The following SCAF8 variants were observed in gnomAD, a reference collection of about 807,000 sequenced individuals.
The protein encoded by SCAF8 is SR-related CTD associated factor 8, also known as SR-related and CTD-associated factor 8.
A neutral mutation model predicts 140.5 loss-of-function variants in SCAF8; 23 were observed. The observed-to-expected ratio is 0.16, with a 90% CI of 0.12 to 0.23. The LOEUF is 0.23. Among genes scored for constraint, SCAF8 ranks in the 10% least tolerant of loss-of-function variants. The probability of loss-of-function intolerance (pLI) is 1.00; values close to 1 mark genes in which losing one functional copy is unlikely to be tolerated. For synonymous variants in SCAF8, 575 were observed against 528.9 expected, an observed-to-expected ratio of 1.09 and a Z score of -1.20; for missense variants, 1,397 against 1,555.7, an observed-to-expected ratio of 0.90 and a Z score of 1.72.
chr6:154,815,850 A>T (rs759266072), intron 13 of SCAF8, 34 bp downstream of exon 13: 4 of 1,381,998 alleles, frequency 2.9e-6, no homozygotes, highest in Non-Finnish European at 2.1e-6. Flanking sequence ...TAAGGTTTTA[A>T]AAAAGGAGGT....
At chr6:154,815,628 T>C (rs1778227867) in intron 12 of SCAF8, 88 bp from the exon 13 acceptor site, 2 of 532,180 alleles carry the variant, frequency 3.8e-6, no homozygotes, top group African/African-American at 3.8e-5. Context: ...TTAATTATTA[T>C]GTGTATTACT....
intron 12 of SCAF8, among the ~76,000 whole-genome samples, chr6:154,811,669 T>A (rs1778094532): frequency 6.6e-6 from 1 of 152,168 alleles, no homozygotes. Context: ...GTATTTCTCC[T>A]AATGCTACCC....
At chr6:154,747,509 TCAAAA>T (rs1778729954) in intron 1 of SCAF8, among the ~76,000 whole-genome samples, 2 of 152,116 alleles carry the variant, frequency 1.3e-5, no homozygotes, top group Middle Eastern at 3.4e-3. Context: ...AGACCCTATC[TCAAAA>T]CAAAACAAAA....
rs1778324826 is a variant in SCAF8 at position 154,733,697 on chromosome 6, G to C, written c.-204G>C. The C allele has an allele frequency of 7.6e-7, 1 of 1,312,354 alleles. No homozygotes were observed. The highest frequency in any genetic ancestry group is 2.9e-4 in the Middle Eastern group (1 of 3,484). The allele number at this position is 1,312,354 out of a possible 1,614,324, so 81.3% of individuals were successfully genotyped here. ...GAACGGCGCTCCCCCCGCCCTAGCG[G>C]CCATGCCGGTGCCGCTCTGCCGCTG... On this transcript the variant is annotated 5_prime_UTR_variant, in exon 1 of 20. Coordinates refer to ENST00000367178, the MANE Select transcript of SCAF8 (RefSeq NM_014892.5).
intron 3 of SCAF8, among the ~76,000 whole-genome samples, chr6:154,783,905 A>G (rs1457362841): frequency 6.6e-6 from 1 of 151,416 alleles, no homozygotes; most frequent in Non-Finnish European, 1.5e-5. Flanking sequence ...TCCCGTCTCT[A>G]CTAATACAAA....
intron 1 of SCAF8, among the ~76,000 whole-genome samples, chr6:154,765,165 T>G (rs1450758753): frequency 6.6e-6 from 1 of 152,218 alleles, no homozygotes; most frequent in Non-Finnish European, 1.5e-5. Flanking sequence ...TTAGTTATAG[T>G]GTCATTCATA....
chr6:154,782,048 A>G (rs1447830241), intron 3 of SCAF8, among the ~76,000 whole-genome samples: 1 of 152,212 alleles, frequency 6.6e-6, no homozygotes, highest in Non-Finnish European at 1.5e-5. Context: ...ACTCTAAAGA[A>G]TACTCTGGTC....
At chr6:154,789,278 T>G (rs1777343609) in intron 4 of SCAF8, among the ~76,000 whole-genome samples, 1 of 151,482 alleles carries the variant, frequency 6.6e-6, no homozygotes, top group Non-Finnish European at 1.5e-5. Flanking sequence ...TCGGCTAATT[T>G]TTTTTTGTAT....
chr6:154,800,731 A>G (rs1777749766), intron 6 of SCAF8, among the ~76,000 whole-genome samples: 2 of 151,474 alleles, frequency 1.3e-5, no homozygotes, highest in African/African-American at 4.8e-5. Context: ...ACTTAAAAAT[A>G]TTTTAAAAAA....
chr6:154,826,845 CAAAT>C (rs1314414248), intron 17 of SCAF8, among the ~76,000 whole-genome samples: 3 of 151,984 alleles, frequency 2.0e-5, no homozygotes, highest in Admixed American at 2.0e-4. Context: ...ACACACGTAT[CAAAT>C]AAGTAAAATG....
At chr6:154,766,638 C>G (rs959678708) in intron 1 of SCAF8, among the ~76,000 whole-genome samples, 8 of 149,228 alleles carry the variant, frequency 5.4e-5, no homozygotes, top group African/African-American at 1.8e-4. Flanking sequence ...ATCCTGAAAC[C>G]CTTCACCTCC....
rs1359972930 is a variant in SCAF8, at chr6:154,830,924, T to G, written c.2143T>G (p.Leu715Val). The change falls in exon 19 of 20, where the codon TTA becomes GTA. Residue 715 changes from leucine (L) to valine (V), a missense_variant and splice_region_variant. Coordinates refer to ENST00000367178, the MANE Select transcript of SCAF8 (RefSeq NM_014892.5). The stretch of plus-strand genomic sequence containing the variant: ...ATATTTTTCTCCTCTTTAAACAGCT[T>G]TAGTGCAGCCGTCATTATCCATGAC... ...PTIPPVVPTSLVQPSLSMTPE... is the reference protein window; with the variant it reads ...PTIPPVVPTSVVQPSLSMTPE... 1.9e-6 allele frequency: 3 copies of G among 1,613,172 alleles called. No homozygotes were observed. Among genetic ancestry groups the G allele is most frequent in the East Asian group, 2.2e-5 (1 of 44,862 alleles).
intron 6 of SCAF8, among the ~76,000 whole-genome samples, chr6:154,795,442 C>A (rs1384996582): frequency 6.6e-6 from 1 of 152,114 alleles, no homozygotes; most frequent in Non-Finnish European, 1.5e-5. Flanking sequence ...ATCTTAGAGA[C>A]CTCCTCCTAT....
rs1388978113 is a variant in SCAF8 at position 154,820,224 on chromosome 6, C to T, written c.1683C>T (p.Phe561=). The change falls in exon 15 of 20, where the codon TTC becomes TTT. Residue 561 remains phenylalanine (F), a synonymous_variant. Transcript: ENST00000367178. ...GTGTAAAAACAGAATACAAACAATT[C>T]TGGGATGTGGATCTTGGAGTTACAT... is the stretch of plus-strand genomic sequence containing the variant. The part of the protein sequence containing the change: ...NKGVKTEYKQ[F]WDVDLGVTYI... 4 of 1,607,952 alleles carry T rather than the reference C, an allele frequency of 2.5e-6. No homozygotes were observed. Among genetic ancestry groups the T allele is most frequent in the Non-Finnish European group, 3.4e-6 (4 of 1,178,086 alleles).
In SCAF8 at chr6:154,829,329, A is replaced by G. The variant is rs567624895; in HGVS notation, c.2141-1593A>G. ...TTACTAGAATAGACATTTCAAAAGTAATGTAATGCAACAGTAAATATAGAC... is the reference window on the plus strand; with the variant it reads ...TTACTAGAATAGACATTTCAAAAGTGATGTAATGCAACAGTAAATATAGAC... On this transcript the variant is annotated intron_variant, in intron 18 of 19. Transcript: ENST00000367178. 7.2e-5 allele frequency among the ~76,000 whole-genome samples: 11 copies of G among 152,118 alleles called. No homozygotes were observed. The East Asian group carries it at 2.1e-3, about 29-fold the overall frequency.
At chr6:154,777,445 C>G (rs1449996494) in intron 2 of SCAF8, among the ~76,000 whole-genome samples, 1 of 152,040 alleles carries the variant, frequency 6.6e-6, no homozygotes, top group South Asian at 2.1e-4. Context: ...TTCATTTTGT[C>G]TGATCCATTA....
intron 1 of SCAF8, among the ~76,000 whole-genome samples, chr6:154,768,707 T>C (rs1776652504): frequency 6.6e-6 from 1 of 152,250 alleles, no homozygotes; most frequent in African/African-American, 2.4e-5. Flanking sequence ...GCAGTTCCTC[T>C]GCATGTGTTT....
chr6:154,791,158 CT>C (rs986189603), intron 4 of SCAF8, among the ~76,000 whole-genome samples: 2 of 152,078 alleles, frequency 1.3e-5, no homozygotes, highest in Non-Finnish European at 2.9e-5. Context: ...ATTTTTCTGC[CT>C]ATTAAGTTTG....
At chr6:154,765,893 T>C (rs928399092) in intron 1 of SCAF8, among the ~76,000 whole-genome samples, 4 of 152,144 alleles carry the variant, frequency 2.6e-5, no homozygotes, top group Non-Finnish European at 5.9e-5. Flanking sequence ...AGCTGACCCA[T>C]GAACAATGGG....
Sources: gnomAD v4.1 joint callset for allele counts (sites outside exome capture counted in the v4.1 genomes callset) on GRCh38, gnomAD v4.1.1 for gene constraint, MANE v1.5 for transcripts, NCBI Gene and HGNC (gene_info 2026-07-23, HGNC 2026-07-21) for gene names.